PIEZO2: variants seen among roughly 807,000 people sequenced by gnomAD.
The protein encoded by PIEZO2 is piezo type mechanosensitive ion channel component 2.
A neutral mutation model predicts 337.3 loss-of-function variants in PIEZO2; 172 were observed. The ratio of observed to expected loss-of-function variants is 0.51; its 90% CI spans 0.45 to 0.58. The LOEUF (loss-of-function observed/expected upper bound fraction) is 0.58, where lower values mean the gene tolerates loss of function less well. PIEZO2 is among the 20% of genes least tolerant of loss of function. The pLI, the probability that PIEZO2 is intolerant of heterozygous loss-of-function variation, is 0.00. For synonymous variants in PIEZO2, 1,251 were observed against 1,228.5 expected, an observed-to-expected ratio of 1.02 and a Z score of -0.38; for missense variants, 3,028 against 3,391.3, an observed-to-expected ratio of 0.89 and a Z score of 2.66.
At chr18:10,926,682 T>C (rs1312811364) in intron 3 of PIEZO2, among the ~76,000 whole-genome samples, 2 of 152,180 alleles carry the variant, frequency 1.3e-5, no homozygotes, top group Non-Finnish European at 2.9e-5. Context: ...AAAAATATCA[T>C]GTCCGGGCCA....
Position 10,761,177 on chromosome 18 carries a change from C to T in PIEZO2, c.3250-66G>A, listed in dbSNP as rs1300962188. 1.3e-5 allele frequency: 17 copies of T among 1,358,018 alleles called. 2 individuals are homozygous for T. In the South Asian group the frequency reaches 2.1e-4, roughly 17 times the overall value. 84.1% of individuals were successfully genotyped at this position (1,358,018 alleles called of 1,614,324 possible). A position where few individuals can be genotyped will look rare whatever the true frequency, so the allele number is the denominator to read the frequency against. ...TATGATTTGGTAATTTCAAGCAATC[C>T]CCACATTCTGCACAGCTACAAGGAC... is the stretch of plus-strand genomic sequence containing the variant. On this transcript the variant is annotated intron_variant, in intron 23 of 55. Coordinates refer to ENST00000674853, the MANE Select transcript of PIEZO2 (RefSeq NM_001378183.1).
intron 10 of PIEZO2, among the ~76,000 whole-genome samples, 186 bp downstream of exon 10, chr18:10,801,204 T>A (rs2039801153): frequency 6.6e-6 from 1 of 152,232 alleles, no homozygotes; most frequent in Non-Finnish European, 1.5e-5. Context: ...AAAATTTAAA[T>A]ATATTTTGTA....
chr18:10,994,002 C>T (rs1028245172), intron 2 of PIEZO2, among the ~76,000 whole-genome samples: 1 of 136,450 alleles, frequency 7.3e-6, no homozygotes, highest in South Asian at 2.1e-4. Flanking sequence ...TTATCCCTCG[C>T]CCCTTCCCAC....
chr18:10,994,233 T>C lies in PIEZO2; in HGVS notation c.161-14573A>G, dbSNP rs532843704. On this transcript the variant is annotated intron_variant, in intron 2 of 55. Coordinates refer to ENST00000674853, the MANE Select transcript of PIEZO2 (RefSeq NM_001378183.1). ...GTAGTCCATCACATATATGTTTCTT[T>C]ATCCACTTGTTAATTGATGGACAAT... Among the ~76,000 whole-genome samples, 13 of 152,352 alleles carry C rather than the reference T, an allele frequency of 8.5e-5. No homozygotes were observed. In the South Asian group the frequency reaches 2.5e-3, roughly 29 times the overall value.
chr18:11,020,461 G>C (rs2036270314), intron 2 of PIEZO2, among the ~76,000 whole-genome samples: 1 of 152,108 alleles, frequency 6.6e-6, no homozygotes, highest in African/African-American at 2.4e-5. Flanking sequence ...CTTCTGATTT[G>C]CACATTTGCA....
chr18:10,851,155 C>CA (rs1269699783), intron 7 of PIEZO2, among the ~76,000 whole-genome samples: 1 of 127,936 alleles, frequency 7.8e-6, no homozygotes, highest in Non-Finnish European at 1.6e-5. Context: ...TTTCTTTTAT[C>CA]TTTTTTTTTT....
chr18:10,882,450 T>C (rs981118910), intron 4 of PIEZO2, among the ~76,000 whole-genome samples: 3 of 152,336 alleles, frequency 2.0e-5, no homozygotes, highest in Admixed American at 6.5e-5. Context: ...CATTTGGGAA[T>C]TGACAAATTG....
At chr18:10,845,011 ATAGTTTTAATTAAATGATGAATGTC>A (rs1419814120) in intron 7 of PIEZO2, among the ~76,000 whole-genome samples, 1 of 152,166 alleles carries the variant, frequency 6.6e-6, no homozygotes, top group Admixed American at 6.6e-5. Flanking sequence ...ACATGTTATT[ATAGTTTTAATTAAATGATGAATGTC>A]TAGTTAACTA....
chr18:10,695,966 G>T, intron 47 of PIEZO2, 108 bp downstream of exon 47: 2 of 1,098,558 alleles, frequency 1.8e-6, no homozygotes, highest in Non-Finnish European at 2.8e-6. Flanking sequence ...GCTGTGCCAA[G>T]GCTCTGCCTG....
intron 15 of PIEZO2, among the ~76,000 whole-genome samples, chr18:10,788,610 A>G (rs2039311387): frequency 1.3e-5 from 2 of 152,114 alleles, no homozygotes; most frequent in African/African-American, 2.4e-5. Flanking sequence ...ATGGCATCTT[A>G]ATCTGTTGCC....
chr18:11,121,667 C>T (rs1440758361), intron 1 of PIEZO2, among the ~76,000 whole-genome samples: 1 of 152,210 alleles, frequency 6.6e-6, no homozygotes, highest in Non-Finnish European at 1.5e-5. Flanking sequence ...TCAAATATCT[C>T]TTGGCAAGGC....
chr18:11,065,163 G>C (rs950512175), intron 2 of PIEZO2, among the ~76,000 whole-genome samples: 1 of 152,174 alleles, frequency 6.6e-6, no homozygotes, highest in Non-Finnish European at 1.5e-5. Context: ...GAGAATGAGG[G>C]AGAATGGGAA....
At chr18:10,758,514 T>C (rs1195514341) in intron 26 of PIEZO2, among the ~76,000 whole-genome samples, 2 of 152,048 alleles carry the variant, frequency 1.3e-5, no homozygotes, top group Admixed American at 6.5e-5. Context: ...GGTGCGATCT[T>C]GGCTCACTGC....
At chr18:11,074,595 G>C (rs1252337230) in intron 1 of PIEZO2, among the ~76,000 whole-genome samples, 1 of 152,170 alleles carries the variant, frequency 6.6e-6, no homozygotes, top group East Asian at 1.9e-4. Context: ...ACTTGGACTT[G>C]CCTCATTCAT....
chr18:10,993,970 A>G lies in PIEZO2; in HGVS notation c.161-14310T>C, dbSNP rs1245573825. Among the ~76,000 whole-genome samples the G allele has an allele frequency of 1.3e-5, 2 of 152,132 alleles. No homozygotes were observed. On this transcript the variant is annotated intron_variant, in intron 2 of 55. Transcript: ENST00000674853. This position sits in a 1 kb window ranked among gnomAD's most constrained non-coding sequence, Gnocchi z 5.0. ...TGTACCCATCACCCAAGAAGTATAC[A>G]CTGAAGCCAATTTGTATGCTTTTAT...
At chr18:10,678,993 C>T (rs1396431845) in intron 52 of PIEZO2, among the ~76,000 whole-genome samples, 5 of 146,476 alleles carry the variant, frequency 3.4e-5, no homozygotes, top group Non-Finnish European at 5.9e-5. Flanking sequence ...AGTGCAGTGG[C>T]GTGATCTCAG....
chr18:10,975,677 A>G (rs1433114876), intron 3 of PIEZO2, among the ~76,000 whole-genome samples: 3 of 152,218 alleles, frequency 2.0e-5, no homozygotes, highest in Non-Finnish European at 4.4e-5. Flanking sequence ...TTGTCCCACC[A>G]AAACTTATGT....
rs1485880390 is a variant in PIEZO2 at position 10,916,534 on chromosome 18, G to A, written c.287-5306C>T. Reference sequence around the variant, plus strand: ...CCACACCTGCTGGCCCGAGTGCTAAGCCCCTCACTGCCAGGGCGTGCGGCA... The same window carrying A: ...CCACACCTGCTGGCCCGAGTGCTAAACCCCTCACTGCCAGGGCGTGCGGCA... On this transcript the variant is annotated intron_variant, in intron 3 of 55. Coordinates refer to ENST00000674853, the MANE Select transcript of PIEZO2 (RefSeq NM_001378183.1). Among the ~76,000 whole-genome samples the A allele has an allele frequency of 1.3e-5, 2 of 152,176 alleles. 1 individual carries two copies. Among genetic ancestry groups the A allele is most frequent in the African/African-American group, 4.8e-5 (2 of 41,456 alleles).
intron 51 of PIEZO2, 132 bp from the exon 52 acceptor site, chr18:10,680,503 A>G: frequency 4.5e-6 from 4 of 886,108 alleles, no homozygotes; most frequent in Non-Finnish European, 6.7e-6. Flanking sequence ...TTTATAATGG[A>G]TGGTCTTGAG....
Sources: allele counts gnomAD v4.1 joint callset (sites outside exome capture counted in the v4.1 genomes callset), GRCh38; gene constraint gnomAD v4.1.1; non-coding constraint Gnocchi (gnomAD v3.1); transcripts MANE v1.5; gene names NCBI Gene and HGNC (gene_info 2026-07-23, HGNC 2026-07-21).